NBEAL2: variants seen among roughly 807,000 people sequenced by gnomAD.
NBEAL2 encodes neurobeachin-like protein 2.
NBEAL2 carries 160 observed loss-of-function variants against 299.8 expected under a neutral mutation model. The observed-to-expected ratio is 0.53, with a 90% CI of 0.47 to 0.61. The LOEUF (loss-of-function observed/expected upper bound fraction) is 0.61, where lower values mean the gene tolerates loss of function less well. Ranked by LOEUF, NBEAL2 falls within the 20% of genes least tolerant of loss-of-function variation. NBEAL2 has a pLI of 0.00. For synonymous variants in NBEAL2, 1,493 were observed against 1,542.3 expected, an observed-to-expected ratio of 0.97 and a Z score of 0.75; for missense variants, 3,112 against 3,649.0, an observed-to-expected ratio of 0.85 and a Z score of 3.79.
Position 47,002,688 on chromosome 3 carries a change from GGCTAC to G in NBEAL2, c.5351_5355del (p.Arg1784HisfsTer78). Reference sequence around the variant, plus strand: ...GCGCAGAGGCGGGCGCGCCTGGAGGGGCTACGCTACACGGCAGTGCTGAAGCAGCA... The same window carrying G: ...GCGCAGAGGCGGGCGCGCCTGGAGGGGCTACACGGCAGTGCTGAAGCAGCA... On this transcript the variant is annotated frameshift_variant, in exon 33 of 54. Coordinates refer to ENST00000450053, the MANE Select transcript of NBEAL2 (RefSeq NM_015175.3). LOFTEE classifies it high-confidence loss of function. 1 of 1,604,976 alleles carries G rather than the reference GGCTAC, an allele frequency of 6.2e-7. No individual in the cohort carries two copies. Among genetic ancestry groups the G allele is most frequent in the Non-Finnish European group, 8.5e-7 (1 of 1,177,446 alleles).
chr3:47,004,844 C>T lies in NBEAL2; in HGVS notation c.6295-128C>T, dbSNP rs963976788. On this transcript the variant is annotated intron_variant, in intron 38 of 53. Transcript: ENST00000450053. This position sits in a 1 kb window ranked among gnomAD's most constrained non-coding sequence, Gnocchi z 5.0. The stretch of plus-strand genomic sequence containing the variant: ...CACTCTGTCCTTCTCCCCTGTGACC[C>T]CTCTAAGTGGTGCTCCCCCAACCTG... 8.0e-6 allele frequency: 11 copies of T among 1,377,536 alleles called. No individual in the cohort carries two copies. The highest frequency in any genetic ancestry group is 1.1e-5 in the Non-Finnish European group (11 of 1,011,326). The allele number at this position is 1,377,536 out of a possible 1,614,324, so 85.3% of individuals were successfully genotyped here.
chr3:46,998,748 G>A lies in NBEAL2; in HGVS notation c.3253G>A (p.Asp1085Asn), dbSNP rs772177163. The change falls in exon 23 of 54, where the codon GAC (aspartate) becomes AAC (asparagine). Residue 1085 changes from aspartate (D) to asparagine (N), a missense_variant. Asp to Asn is a conservative substitution (Grantham distance 23, BLOSUM62 1). Coordinates refer to ENST00000450053, the MANE Select transcript of NBEAL2 (RefSeq NM_015175.3). ...PQRERPLAADDLRTVQTSLLG... is the reference protein window; with the variant it reads ...PQRERPLAADNLRTVQTSLLG... ...GCGGGAGCGCCCCCTGGCTGCTGAC[G>A]ACCTACGCACCGTGCAGACCTCCCT... is the stretch of plus-strand genomic sequence containing the variant. 83 of 1,576,596 alleles carry A rather than the reference G, an allele frequency of 5.3e-5. No individual in the cohort carries two copies. The highest frequency in any genetic ancestry group is 6.8e-5 in the Non-Finnish European group (79 of 1,159,382).
Position 47,005,212 on chromosome 3 carries a change from A to T in NBEAL2, c.6451A>T (p.Ile2151Phe), listed in dbSNP as rs756164880. The T allele has an allele frequency of 6.2e-7, 1 of 1,613,774 alleles. No homozygotes were observed. Among genetic ancestry groups the T allele is most frequent in the South Asian group, 1.1e-5 (1 of 91,088 alleles). The change falls in exon 40 of 54, where the codon ATT (isoleucine) becomes TTT (phenylalanine). Residue 2151 changes from isoleucine to phenylalanine, a missense_variant. Transcript: ENST00000450053. Reference protein sequence around the residue: ...YESFEDPAGTIDKFHYGTHYS... With the variant: ...YESFEDPAGTFDKFHYGTHYS... ...AAGCTTTGAGGACCCAGCAGGGACC[A>T]TTGACAAGTTCCACTATGGCACCCA...
chr3:46,988,138 C>CG lies in NBEAL2; in HGVS notation c.52-530dup. On this transcript the variant is annotated intron_variant, in intron 1 of 53. Transcript: ENST00000450053. The surrounding 1 kb of genome is among the most constrained non-coding windows in gnomAD (Gnocchi z 4.4). ...AGGCAGGGCCGCACATGAGGATGTGCGCATGTCTGGGTCTGCCTGTCTAAT... is the reference window on the plus strand; with the variant it reads ...AGGCAGGGCCGCACATGAGGATGTGCGGCATGTCTGGGTCTGCCTGTCTAAT... 3 of 1,087,116 alleles carry CG rather than the reference C, an allele frequency of 2.8e-6. No individual in the cohort carries two copies. The highest frequency in any genetic ancestry group is 3.5e-6 in the Non-Finnish European group (3 of 853,728). The allele number at this position is 1,087,116 out of a possible 1,614,324, so 67.3% of individuals were successfully genotyped here. A position where few individuals can be genotyped will look rare whatever the true frequency, so the allele number is the denominator to read the frequency against.
chr3:46,979,812 G>C lies in NBEAL2; in HGVS notation c.-50G>C, dbSNP rs1575573165. On this transcript the variant is annotated 5_prime_UTR_variant, in exon 1 of 54. Coordinates refer to ENST00000450053, the MANE Select transcript of NBEAL2 (RefSeq NM_015175.3). ...CCGAGGGCAACCGGCGGGCGGCGCGGAGGAGGCGGCGACAGGTGGCGCGCA... is the reference window on the plus strand; with the variant it reads ...CCGAGGGCAACCGGCGGGCGGCGCGCAGGAGGCGGCGACAGGTGGCGCGCA... The C allele has an allele frequency of 2.0e-5, 8 of 402,594 alleles. No homozygotes were observed. The East Asian group carries it at 2.7e-4, about 14-fold the overall frequency. 24.9% of individuals were successfully genotyped at this position (402,594 alleles called of 1,614,324 possible).
Position 47,006,041 on chromosome 3 carries a change from C to G in NBEAL2, c.6897C>G (p.Val2299=), listed in dbSNP as rs776195332. Residue 2299 remains valine (V), a synonymous_variant, in exon 43 of 54, where the codon GTC becomes GTG. Transcript: ENST00000450053. ...CAGCCGCCGAGGAGGCCCTCAATGT[C>G]TTCTATTACTGCACCTATGAGGGTG... ...RGPAAEEALN[V]FYYCTYEGAV... 7 of 1,613,804 alleles carry G rather than the reference C, an allele frequency of 4.3e-6. No homozygotes were observed. The highest frequency in any genetic ancestry group is 5.9e-6 in the Non-Finnish European group (7 of 1,179,876).
intron 6 of NBEAL2, among the ~76,000 whole-genome samples, chr3:46,990,886 G>T (rs559029641): frequency 6.6e-6 from 1 of 152,290 alleles, no homozygotes; most frequent in African/African-American, 2.4e-5. Context: ...ACTAAGCCCT[G>T]GTCATCATGG....
chr3:47,002,560 C>T, intron 32 of NBEAL2, 40 bp downstream of exon 32: 1 of 1,610,746 alleles, frequency 6.2e-7, no homozygotes, highest in East Asian at 2.2e-5. Context: ...CTGCTCCACA[C>T]ATGCACCCAG....
chr3:46,998,336 GCC>G, intron 21 of NBEAL2, 110 bp downstream of exon 21: 13 of 1,517,234 alleles, frequency 8.6e-6, no homozygotes, highest in Non-Finnish European at 1.2e-5. Context: ...AATCCAGAAT[GCC>G]ATGGGGCGGC....
At chr3:46,996,670 T>C in intron 16 of NBEAL2, 78 bp downstream of exon 16, 1 of 1,538,236 alleles carries the variant, frequency 6.5e-7, no homozygotes, top group Non-Finnish European at 8.8e-7. Context: ...TCTCTGGGGG[T>C]CTCTCCTGTG....
In NBEAL2 at chr3:47,006,529, G is replaced by A; in HGVS notation, c.7134+80G>A. 5 of 1,301,272 alleles carry A rather than the reference G, an allele frequency of 3.8e-6. No homozygotes were observed. In the South Asian group the frequency reaches 6.4e-5, roughly 17 times the overall value. The allele number at this position is 1,301,272 out of a possible 1,614,324, so 80.6% of individuals were successfully genotyped here. Reference sequence around the variant, plus strand: ...CTGTCCTTACCAACCACGTGGGGCAGATGGGAATCCTAATCAAGGTCACTG... The same window carrying A: ...CTGTCCTTACCAACCACGTGGGGCAAATGGGAATCCTAATCAAGGTCACTG... On this transcript the variant is annotated intron_variant, in intron 45 of 53. Coordinates refer to ENST00000450053, the MANE Select transcript of NBEAL2 (RefSeq NM_015175.3).
chr3:47,002,427 T>C lies in NBEAL2; in HGVS notation c.5208T>C (p.Leu1736=), dbSNP rs1266289047. 7.4e-6 allele frequency: 12 copies of C among 1,613,374 alleles called. No homozygotes were observed. The highest frequency in any genetic ancestry group is 1.0e-5 in the Non-Finnish European group (12 of 1,179,900). Reference sequence around the variant, plus strand: ...ACACGTATGCTAAGAGCCACGACCTTATGTCAGGTTTCTGGAATGCCTGCT... The same window carrying C: ...ACACGTATGCTAAGAGCCACGACCTCATGTCAGGTTTCTGGAATGCCTGCT... ...EMDTYAKSHD[L]MSGFWNACYD... Residue 1736 remains leucine, a synonymous_variant, in exon 32 of 54, where the codon CTT becomes CTC. Transcript: ENST00000450053.
chr3:47,002,320 T>C (rs1354236217), intron 31 of NBEAL2, 32 bp downstream of exon 31: 2 of 1,594,796 alleles, frequency 1.3e-6, no homozygotes, highest in African/African-American at 1.3e-5. Flanking sequence ...GGAAGAGGAG[T>C]GGGGGCTGGG....
intron 6 of NBEAL2, among the ~76,000 whole-genome samples, chr3:46,990,245 C>T (rs2035989011): frequency 6.6e-6 from 1 of 152,144 alleles, no homozygotes; most frequent in Non-Finnish European, 1.5e-5. Flanking sequence ...AGAGTTGGGG[C>T]AGCAACTCCA....
chr3:46,994,269 C>G (rs771395050), intron 11 of NBEAL2, among the ~76,000 whole-genome samples, 186 bp from the exon 12 acceptor site: 1 of 152,156 alleles, frequency 6.6e-6, no homozygotes, highest in Non-Finnish European at 1.5e-5. Context: ...CCATCTACAG[C>G]CTTCTGAGAT....
At chr3:46,999,858 G>C (rs1186730839) in intron 26 of NBEAL2, 31 bp from the exon 27 acceptor site, 9 of 1,599,116 alleles carry the variant, frequency 5.6e-6, no homozygotes, top group Non-Finnish European at 7.7e-6. Context: ...GCAGTTGGAT[G>C]CGTCCTCACT....
rs893273690 is a variant in NBEAL2, at chr3:46,997,922, G to A, written c.2959-145G>A. On this transcript the variant is annotated intron_variant, in intron 20 of 53. Transcript: ENST00000450053. ...GGCAGGAGGCTTGCGTGTCAGAGGCGGCAGGAAGCCCCCAAAGGGTTCTGA... is the reference window on the plus strand; with the variant it reads ...GGCAGGAGGCTTGCGTGTCAGAGGCAGCAGGAAGCCCCCAAAGGGTTCTGA... The A allele has an allele frequency of 8.6e-5, 105 of 1,224,218 alleles. No homozygotes were observed. The South Asian group carries it at 8.9e-4, about 10-fold the overall frequency. 75.8% of individuals were successfully genotyped at this position (1,224,218 alleles called of 1,614,324 possible).
Position 47,001,933 on chromosome 3 carries a change from C to A in NBEAL2, c.4796C>A (p.Ala1599Asp). The change falls in exon 31 of 54, where the codon GCC becomes GAC. Residue 1599 changes from alanine (A) to aspartate (D), a missense_variant. Around this residue, in one of 3 missense-constraint regions of NBEAL2, gnomAD observed 2,243 missense variants for 2,538.1 expected, o/e 0.88. Transcript: ENST00000450053. This position sits in a 1 kb window ranked among gnomAD's most constrained non-coding sequence, Gnocchi z 6.1. ...LLEDPQLHAQ[A>D]YVRLHMLLQT... is the part of the protein sequence containing the mutation. ...TTGCGCCCACAGCTGCATGCCCAGG[C>A]CTACGTGAGATTGCACATGCTGCTA... 1 of 1,604,204 alleles carries A rather than the reference C, an allele frequency of 6.2e-7. No individual in the cohort carries two copies. The highest frequency in any genetic ancestry group is 8.5e-7 in the Non-Finnish European group (1 of 1,173,352).
Position 47,002,750 on chromosome 3 carries a change from T to G in NBEAL2, c.5407T>G (p.Trp1803Gly). ...ATQHSMALLH[W>G]GALWRQLASP... Reference sequence around the variant, plus strand: ...GCAGCACTCCATGGCCCTGCTGCACTGGGGGGCGCTGTGGCGCCAGCTCGC... The same window carrying G: ...GCAGCACTCCATGGCCCTGCTGCACGGGGGGGCGCTGTGGCGCCAGCTCGC... Residue 1803 changes from tryptophan to glycine, a missense_variant, in exon 33 of 54, where the codon TGG (tryptophan) becomes GGG (glycine). Transcript: ENST00000450053. The G allele has an allele frequency of 6.5e-7, 1 of 1,534,752 alleles. No homozygotes were observed. Among genetic ancestry groups the G allele is most frequent in the Non-Finnish European group, 8.8e-7 (1 of 1,140,278 alleles).
Sources: allele counts gnomAD v4.1 joint callset (sites outside exome capture counted in the v4.1 genomes callset), GRCh38; gene constraint gnomAD v4.1.1; regional missense constraint gnomAD v4.1.1; non-coding constraint Gnocchi (gnomAD v3.1); transcripts MANE v1.5; gene names NCBI Gene and HGNC (gene_info 2026-07-23, HGNC 2026-07-21).